The following BICD1 variants were observed in gnomAD, a reference collection of about 807,000 sequenced individuals.
BICD1 encodes the protein BICD cargo adaptor 1.
Under a neutral mutation model 92.5 loss-of-function variants are expected in BICD1, and 35 were observed. That is an observed-to-expected ratio of 0.38 (90% CI 0.29 to 0.50). The LOEUF is 0.50. BICD1 is among the 20% of genes least tolerant of loss of function. The pLI, the probability that BICD1 is intolerant of heterozygous loss-of-function variation, is 0.93. For synonymous variants in BICD1, 429 were observed against 465.1 expected (o/e 0.92, Z 1.00); for missense variants, 950 against 1,189.8 (o/e 0.80, Z 2.97).
At chr12:32,340,178 G>A (rs970005069) in intron 8 of BICD1, 1 of 985,280 alleles carries the variant, frequency 1.0e-6, no homozygotes, top group Admixed American at 6.1e-5. Flanking sequence ...CATGAAGTCA[G>A]CCTACTGATT....
At chr12:32,176,877 A>G (rs1012882739) in intron 1 of BICD1, among the ~76,000 whole-genome samples, 4 of 152,074 alleles carry the variant, frequency 2.6e-5, no homozygotes, top group African/African-American at 9.7e-5. Context: ...ACTATTAAAC[A>G]TTTATATACC....
At chr12:32,262,710 TG>T (rs1946888869) in intron 2 of BICD1, among the ~76,000 whole-genome samples, 1 of 152,114 alleles carries the variant, frequency 6.6e-6, no homozygotes, top group Admixed American at 6.5e-5. Flanking sequence ...AGACAGAGAT[TG>T]GAATTCTGCT....
intron 2 of BICD1, among the ~76,000 whole-genome samples, chr12:32,242,115 T>C (rs1946252977): frequency 1.4e-5 from 2 of 143,064 alleles, no homozygotes; most frequent in South Asian, 2.2e-4. Context: ...CTCGGGAGGC[T>C]GAAGTGGGAT....
At chr12:32,355,979 C>G (rs1405750908) in intron 8 of BICD1, among the ~76,000 whole-genome samples, 1 of 152,108 alleles carries the variant, frequency 6.6e-6, no homozygotes, top group Non-Finnish European at 1.5e-5. Context: ...AAATGAATTT[C>G]TCCTATGATC....
chr12:32,222,716 G>A (rs137974574), intron 2 of BICD1, among the ~76,000 whole-genome samples: 10 of 152,152 alleles, frequency 6.6e-5, no homozygotes, highest in African/African-American at 2.2e-4. Context: ...TTAAGAAGTC[G>A]GGCCCTTAGG....
chr12:32,137,372 A>G (rs1942768862), intron 1 of BICD1, among the ~76,000 whole-genome samples: 1 of 152,158 alleles, frequency 6.6e-6, no homozygotes, highest in African/African-American at 2.4e-5. Flanking sequence ...TACAGGCATG[A>G]GCCACCGCAC....
chr12:32,118,153 C>CT (rs1389234182), intron 1 of BICD1, among the ~76,000 whole-genome samples: 1 of 151,478 alleles, frequency 6.6e-6, no homozygotes, highest in Non-Finnish European at 1.5e-5. Flanking sequence ...GCGAACTCGG[C>CT]TCACTGCAAG....
At position 32,211,253 on chromosome 12, in the gene BICD1, T is replaced by G. The variant is rs144058820; in HGVS notation, c.214-4994T>G. ...AGTGTCCTTGGATAACCTCATATAC[T>G]TTCATTGTTTTTCAAATCAGGTCCA... On this transcript the variant is annotated intron_variant, in intron 1 of 9. Coordinates refer to ENST00000652176, the MANE Select transcript of BICD1 (RefSeq NM_001714.4). 3.2e-3 allele frequency among the ~76,000 whole-genome samples: 492 copies of G among 152,336 alleles called. 4 individuals are homozygous for G. Among genetic ancestry groups the G allele is most frequent in the Non-Finnish European group, 5.6e-3 (381 of 68,036 alleles).
intron 2 of BICD1, among the ~76,000 whole-genome samples, chr12:32,230,704 C>G (rs995366982): frequency 6.6e-6 from 1 of 152,092 alleles, no homozygotes; most frequent in Non-Finnish European, 1.5e-5. Flanking sequence ...GGAGCAAAAG[C>G]GGCGTCTGTC....
chr12:32,239,765 C>T (rs1393127822), intron 2 of BICD1, among the ~76,000 whole-genome samples: 1 of 151,354 alleles, frequency 6.6e-6, no homozygotes, highest in Non-Finnish European at 1.5e-5. Flanking sequence ...TGCACCACCA[C>T]ACCCGGCTAA....
chr12:32,212,064 C>T (rs12309935), intron 1 of BICD1, among the ~76,000 whole-genome samples: 2,701 of 152,290 alleles, frequency 0.018, 75 homozygotes, highest in African/African-American at 0.06. Flanking sequence ...ACAAGCCAGG[C>T]ACCAGGAATA....
At chr12:32,357,546 C>T (rs1467371928) in intron 8 of BICD1, among the ~76,000 whole-genome samples, 1 of 152,154 alleles carries the variant, frequency 6.6e-6, no homozygotes, top group Non-Finnish European at 1.5e-5. Flanking sequence ...TGTTAGTCTG[C>T]TGGGGCTTCC....
intron 8 of BICD1, among the ~76,000 whole-genome samples, chr12:32,349,045 G>A (rs1592707745): frequency 6.6e-6 from 1 of 152,008 alleles, no homozygotes; most frequent in African/African-American, 2.4e-5. Flanking sequence ...GGTATCCTTT[G>A]TGCCAGGGAG....
intron 2 of BICD1, among the ~76,000 whole-genome samples, chr12:32,265,479 C>T (rs774452517): frequency 3.4e-5 from 5 of 147,960 alleles, no homozygotes; most frequent in South Asian, 2.2e-4. Context: ...GAGGCTGAGG[C>T]GGGAGGATCC....
chr12:32,215,155 G>C (rs1945315662), intron 1 of BICD1, among the ~76,000 whole-genome samples: 3 of 152,142 alleles, frequency 2.0e-5, no homozygotes, highest in Non-Finnish European at 4.4e-5. Context: ...CTTGAACCCA[G>C]GAGGCAGAGG....
chr12:32,141,878 T>A (rs951535460), intron 1 of BICD1, among the ~76,000 whole-genome samples: 2 of 152,232 alleles, frequency 1.3e-5, no homozygotes, highest in Non-Finnish European at 2.9e-5. Flanking sequence ...TTGGTGATTC[T>A]TGTTTCATTT....
At chr12:32,241,651 G>A (rs1324967665) in intron 2 of BICD1, among the ~76,000 whole-genome samples, 1 of 152,180 alleles carries the variant, frequency 6.6e-6, no homozygotes, top group Non-Finnish European at 1.5e-5. Context: ...CTGAAATTGA[G>A]TAGAGGTCAG....
intron 8 of BICD1, among the ~76,000 whole-genome samples, chr12:32,367,168 A>G (rs1370666908): frequency 6.6e-6 from 1 of 152,294 alleles, no homozygotes; most frequent in South Asian, 2.1e-4. Flanking sequence ...TTTAATTAAG[A>G]TTCTACTAAT....
chr12:32,262,892 C>T (rs537449999), intron 2 of BICD1, among the ~76,000 whole-genome samples: 38 of 152,262 alleles, frequency 2.5e-4, no homozygotes, highest in African/African-American at 7.9e-4. Flanking sequence ...GCCTGTAATC[C>T]CAGCACTTTG....
Sources: allele counts gnomAD v4.1 joint callset (sites outside exome capture counted in the v4.1 genomes callset), GRCh38; gene constraint gnomAD v4.1.1; transcripts MANE v1.5; gene names NCBI Gene and HGNC (gene_info 2026-07-23, HGNC 2026-07-21).